Variants in NLRP11 observed in about 807,000 individuals in gnomAD.
NLRP11 encodes NLR family pyrin domain containing 11, also known as NACHT, LRR and PYD domains-containing protein 11.
In NLRP11, 53 loss-of-function variants were observed where a neutral mutation model predicts 79.3. That is an observed-to-expected ratio of 0.67 (90% CI 0.54 to 0.84). The LOEUF (loss-of-function observed/expected upper bound fraction) is 0.84, where lower values mean the gene tolerates loss of function less well. Among genes scored for constraint, NLRP11 ranks in the 40% least tolerant of loss-of-function variants. The pLI is 0.00. For missense variants in NLRP11, 1,264 were observed against 1,255.0 expected (o/e 1.01, Z -0.11); for synonymous variants, 518 against 462.6 (o/e 1.12, Z -1.54).
In NLRP11 at chr19:55,796,693, C is replaced by CT. The variant is rs58565461; in HGVS notation, c.2172-444dup. Among the ~76,000 whole-genome samples the CT allele has an allele frequency of 2.9e-3, 423 of 147,220 alleles. 4 individuals carry two copies. Among genetic ancestry groups the CT allele is most frequent in the Non-Finnish European group, 3.8e-3 (254 of 66,792 alleles). ...TCTGGCTCTCAACTATCTCTATTTT[C>CT]TTTTTTTTTTTGAGATGGAGTCTTG... On this transcript the variant is annotated intron_variant, in intron 5 of 9. Coordinates refer to ENST00000589093, the Ensembl canonical transcript of NLRP11.
At chr19:55,818,189 G>T in exon 2 of NLRP11, 1 of 1,606,362 alleles carries the variant, frequency 6.2e-7, no homozygotes, top group South Asian at 1.1e-5. Context: ...CTTCTCCAGG[G>T]AAGGCAGACT....
At chr19:55,828,970 A>G (rs1412882053) in intron 1 of NLRP11, among the ~76,000 whole-genome samples, 1 of 152,224 alleles carries the variant, frequency 6.6e-6, no homozygotes, top group Non-Finnish European at 1.5e-5. Context: ...GGAAATATCA[A>G]TTAGATATAG....
At chr19:55,799,868 G>A (rs1463753209) in intron 5 of NLRP11, among the ~76,000 whole-genome samples, 2 of 152,190 alleles carry the variant, frequency 1.3e-5, no homozygotes, top group Non-Finnish European at 2.9e-5. Flanking sequence ...TCGGGAGGCT[G>A]AGGCAGGAGA....
At chr19:55,830,604 A>AAAAAAAAT (rs1321232526) in intron 1 of NLRP11, among the ~76,000 whole-genome samples, 1 of 151,922 alleles carries the variant, frequency 6.6e-6, no homozygotes, top group Non-Finnish European at 1.5e-5. Context: ...TTCCTAAAAA[A>AAAAAAAAT]AAAAAAAAAA....
At chr19:55,822,396 A>G (rs1349787907) in intron 1 of NLRP11, among the ~76,000 whole-genome samples, 1 of 152,208 alleles carries the variant, frequency 6.6e-6, no homozygotes, top group Admixed American at 6.5e-5. Context: ...ATTTTATCAG[A>G]CTGCAGGGAG....
chr19:55,822,421 G>T (rs138444789), intron 1 of NLRP11, among the ~76,000 whole-genome samples: 1 of 152,312 alleles, frequency 6.6e-6, no homozygotes, highest in South Asian at 2.1e-4. Flanking sequence ...CAAGATGGCC[G>T]AATAGGAACA....
chr19:55,815,054 G>C (rs571006369), intron 2 of NLRP11, among the ~76,000 whole-genome samples: 40 of 152,134 alleles, frequency 2.6e-4, no homozygotes, highest in African/African-American at 9.2e-4. Flanking sequence ...GAAGGAAAAG[G>C]TCTAAGAAAA....
chr19:55,795,274 C>T (rs1415394839), intron 6 of NLRP11, among the ~76,000 whole-genome samples: 1 of 152,118 alleles, frequency 6.6e-6, no homozygotes, highest in Non-Finnish European at 1.5e-5. Flanking sequence ...CCGTCTTCCA[C>T]CTTCTTGAAA....
intron 1 of NLRP11, among the ~76,000 whole-genome samples, chr19:55,830,419 G>C (rs1433256818): frequency 6.6e-6 from 1 of 152,122 alleles, no homozygotes; most frequent in African/African-American, 2.4e-5. Context: ...AAACACTGTT[G>C]TATGAGCTTT....
intron 1 of NLRP11, among the ~76,000 whole-genome samples, chr19:55,831,540 C>T (rs767640192): frequency 1.3e-5 from 2 of 151,998 alleles, no homozygotes; most frequent in African/African-American, 4.8e-5. Flanking sequence ...CCAGCCTTGG[C>T]GACAGAGCGA....
intron 1 of NLRP11, among the ~76,000 whole-genome samples, chr19:55,821,308 T>C (rs996041461): frequency 2.6e-5 from 4 of 151,966 alleles, no homozygotes; most frequent in African/African-American, 9.7e-5. Context: ...TGTGTGTTTT[T>C]TATCACTTGC....
At position 55,811,245 on chromosome 19, in the gene NLRP11, C is replaced by T. The variant is rs1033222395; in HGVS notation, c.272-907G>A. ...TATTTCTTGAGAATACACAAGATTG[C>T]ACTCCCACTGCAAAAACAAACAAAA... On this transcript the variant is annotated intron_variant, in intron 2 of 9. Transcript: ENST00000589093. Among the ~76,000 whole-genome samples, 3 of 152,250 alleles carry T rather than the reference C, an allele frequency of 2.0e-5. No individual in the cohort carries two copies. The East Asian group carries it at 5.8e-4, about 29-fold the overall frequency.
chr19:55,810,585 CT>C (rs1980509413), intron 2 of NLRP11, among the ~76,000 whole-genome samples: 1 of 152,208 alleles, frequency 6.6e-6, no homozygotes, highest in African/African-American at 2.4e-5. Context: ...CAGCCTCCAC[CT>C]CCCAGGTTCA....
chr19:55,815,814 A>G (rs2122858266), intron 2 of NLRP11, among the ~76,000 whole-genome samples: 1 of 152,320 alleles, frequency 6.6e-6, no homozygotes, highest in South Asian at 2.1e-4. Flanking sequence ...CAGTTAACTA[A>G]GGCAATGAAA....
chr19:55,808,276 A>AT (rs1980203957), intron 3 of NLRP11, among the ~76,000 whole-genome samples: 1 of 152,248 alleles, frequency 6.6e-6, no homozygotes, highest in Non-Finnish European at 1.5e-5. Flanking sequence ...AAACTTCAAT[A>AT]TTAAAAATCA....
intron 7 of NLRP11, among the ~76,000 whole-genome samples, chr19:55,789,686 A>G (rs769782515): frequency 6.6e-6 from 1 of 152,256 alleles, no homozygotes; most frequent in Non-Finnish European, 1.5e-5. Flanking sequence ...GGGAAGCCAC[A>G]TACATTCAAC....
Position 55,809,787 on chromosome 19 carries a change from T to C in NLRP11, c.823A>G (p.Ile275Val). Reference sequence around the variant, plus strand: ...TTCCCACGTGTGGGCCTTGAGGAGATGAGGAACCAGCAGCCTGGAGCCATT... The same window carrying C: ...TTCCCACGTGTGGGCCTTGAGGAGACGAGGAACCAGCAGCCTGGAGCCATT... Residue 275 changes from isoleucine to valine, a missense_variant, in exon 3 of 10, where the codon ATC becomes GTC. By Grantham distance (29) the Ile-to-Val change is conservative. Coordinates refer to ENST00000589093, the Ensembl canonical transcript of NLRP11. This position sits in a 1 kb window ranked among gnomAD's most constrained non-coding sequence, Gnocchi z 4.5. 1 of 1,614,126 alleles carries C rather than the reference T, an allele frequency of 6.2e-7. No homozygotes were observed. The highest frequency in any genetic ancestry group is 8.5e-7 in the Non-Finnish European group (1 of 1,179,994).
In NLRP11 at chr19:55,793,372, T is replaced by C. The variant is rs141110926; in HGVS notation, c.2343-901A>G. On this transcript the variant is annotated intron_variant, in intron 6 of 9. Coordinates refer to ENST00000589093, the Ensembl canonical transcript of NLRP11. ...TCACCTGAGTTCAGGACTTCGAGACTAGCCTGGTCAACATGGTGAAACCCC... is the reference window on the plus strand; with the variant it reads ...TCACCTGAGTTCAGGACTTCGAGACCAGCCTGGTCAACATGGTGAAACCCC... Among the ~76,000 whole-genome samples the C allele has an allele frequency of 8.2e-3, 1,250 of 151,868 alleles. 19 individuals carry two copies. The highest frequency in any genetic ancestry group is 0.029 in the African/African-American group (1,197 of 41,428).
intron 5 of NLRP11, among the ~76,000 whole-genome samples, chr19:55,796,496 T>C (rs983610709): frequency 1.3e-5 from 2 of 152,088 alleles, no homozygotes; most frequent in African/African-American, 4.8e-5. Context: ...TTCATCTCCA[T>C]GTGGTTTCCA....
Sources: gnomAD v4.1 joint callset for allele counts (sites outside exome capture counted in the v4.1 genomes callset) on GRCh38, gnomAD v4.1.1 for gene constraint, Gnocchi (gnomAD v3.1) non-coding constraint, MANE v1.5 for transcripts, NCBI Gene and HGNC (gene_info 2026-07-23, HGNC 2026-07-21) for gene names.